ADAMTSL1: variants seen among roughly 807,000 people sequenced by gnomAD.
ADAMTSL1 encodes the protein ADAMTS-like protein 1.
A neutral mutation model predicts 201.8 loss-of-function variants in ADAMTSL1; 126 were observed. The observed-to-expected ratio is 0.62, with a 90% CI of 0.54 to 0.72. ADAMTSL1 has a LOEUF of 0.72. ADAMTSL1 is among the 30% of genes least tolerant of loss of function. The pLI is 0.00. For synonymous variants in ADAMTSL1, 1,121 were observed against 903.4 expected (o/e 1.24, Z -4.32); for missense variants, 2,679 against 2,277.8 (o/e 1.18, Z -3.59).
intron 2 of ADAMTSL1, among the ~76,000 whole-genome samples, chr9:18,338,439 T>C (rs999263785): frequency 2.0e-5 from 3 of 151,140 alleles, no homozygotes; most frequent in Non-Finnish European, 4.4e-5. Flanking sequence ...GATTATCCCC[T>C]TTTCTGTTTT....
intron 1 of ADAMTSL1, among the ~76,000 whole-genome samples, chr9:17,923,183 C>A (rs919416061): frequency 2.0e-5 from 3 of 151,542 alleles, no homozygotes; most frequent in African/African-American, 7.3e-5. Context: ...TGAAGAAAGT[C>A]GTTGGTAGCT....
At chr9:18,560,395 C>T (rs1194957246) in intron 3 of ADAMTSL1, among the ~76,000 whole-genome samples, 3 of 152,164 alleles carry the variant, frequency 2.0e-5, no homozygotes, top group Non-Finnish European at 4.4e-5. Context: ...TGATGTGCTA[C>T]TGGATTCAGT....
At chr9:18,860,974 G>C (rs1286000675) in intron 23 of ADAMTSL1, among the ~76,000 whole-genome samples, 2 of 152,126 alleles carry the variant, frequency 1.3e-5, no homozygotes, top group Non-Finnish European at 1.5e-5. Context: ...GGAAACTTTA[G>C]TTCTCACTTC....
chr9:18,405,038 G>T (rs1283783536), intron 2 of ADAMTSL1, among the ~76,000 whole-genome samples: 2 of 151,906 alleles, frequency 1.3e-5, no homozygotes, highest in Non-Finnish European at 2.9e-5. Context: ...TATTTCCAGC[G>T]CTAGACCTCC....
chr9:18,249,031 A>G (rs1423099835), intron 2 of ADAMTSL1, among the ~76,000 whole-genome samples: 2 of 152,098 alleles, frequency 1.3e-5, no homozygotes. Context: ...GCGACGATAG[A>G]CTGATGAGAG....
chr9:18,621,208 C>G (rs1464380165), intron 4 of ADAMTSL1, among the ~76,000 whole-genome samples: 1 of 152,100 alleles, frequency 6.6e-6, no homozygotes, highest in African/African-American at 2.4e-5. Flanking sequence ...AGCCATACAA[C>G]CTGGCATAGT....
chr9:18,591,275 C>A (rs1823898229), intron 4 of ADAMTSL1, among the ~76,000 whole-genome samples: 3 of 151,914 alleles, frequency 2.0e-5, no homozygotes, highest in Admixed American at 6.6e-5. Context: ...TATATAATGA[C>A]CTTTGTCTCT....
chr9:17,942,092 G>A (rs1337967465), intron 1 of ADAMTSL1, among the ~76,000 whole-genome samples: 1 of 152,008 alleles, frequency 6.6e-6, no homozygotes, highest in East Asian at 1.9e-4. Context: ...ACCTATATAA[G>A]GTATATAATA....
chr9:18,887,686 C>T, intron 23 of ADAMTSL1, 145 bp from the exon 24 acceptor site: 1 of 688,830 alleles, frequency 1.5e-6, no homozygotes, highest in Non-Finnish European at 2.4e-6. Flanking sequence ...CCTGTTTGCT[C>T]AGGAATGGCA....
intron 2 of ADAMTSL1, among the ~76,000 whole-genome samples, chr9:18,388,406 G>A (rs559014400): frequency 7.9e-5 from 12 of 151,684 alleles, no homozygotes; most frequent in South Asian, 4.2e-4. Flanking sequence ...CCTGAGTAGC[G>A]GAAACTACAG....
At chr9:17,980,621 T>TG (rs1470584037) in intron 1 of ADAMTSL1, among the ~76,000 whole-genome samples, 2 of 151,958 alleles carry the variant, frequency 1.3e-5, no homozygotes, top group African/African-American at 2.4e-5. Context: ...GTGGGGTTTT[T>TG]GGGGGGCAAT....
At chr9:18,832,165 C>G (rs781148267) in intron 23 of ADAMTSL1, among the ~76,000 whole-genome samples, 5 of 152,200 alleles carry the variant, frequency 3.3e-5, no homozygotes, top group Non-Finnish European at 5.9e-5. Flanking sequence ...AGATTTGGCT[C>G]AGACCCTCAC....
chr9:18,003,399 C>T (rs1017393434), intron 1 of ADAMTSL1, among the ~76,000 whole-genome samples: 3 of 152,054 alleles, frequency 2.0e-5, no homozygotes, highest in African/African-American at 7.2e-5. Context: ...CCAAGTGCTC[C>T]ATTTGTTTCT....
intron 8 of ADAMTSL1, among the ~76,000 whole-genome samples, chr9:18,661,466 C>T (rs934660941): frequency 6.6e-6 from 1 of 152,036 alleles, no homozygotes; most frequent in East Asian, 1.9e-4. Flanking sequence ...CTGTGCTGGC[C>T]CCCCATGTGC....
intron 1 of ADAMTSL1, among the ~76,000 whole-genome samples, chr9:17,915,764 T>C (rs1263027309): frequency 6.6e-6 from 1 of 152,224 alleles, no homozygotes; most frequent in East Asian, 1.9e-4. Context: ...TAGCTTGTTC[T>C]GGGTTTTAAT....
intron 2 of ADAMTSL1, among the ~76,000 whole-genome samples, chr9:18,513,639 G>A (rs529491390): frequency 4.0e-4 from 61 of 152,272 alleles, no homozygotes; most frequent in African/African-American, 1.4e-3. Context: ...TTATATTTAA[G>A]TCTATAGTCC....
chr9:18,887,119 C>T (rs1411504084), intron 23 of ADAMTSL1, among the ~76,000 whole-genome samples: 1 of 152,216 alleles, frequency 6.6e-6, no homozygotes, highest in Non-Finnish European at 1.5e-5. Context: ...GCAAATTCAG[C>T]AAGTACCCTG....
chr9:18,661,589 C>T (rs1321616588), intron 8 of ADAMTSL1, among the ~76,000 whole-genome samples: 1 of 152,046 alleles, frequency 6.6e-6, no homozygotes, highest in Non-Finnish European at 1.5e-5. Context: ...GTTGGTAAAT[C>T]CTGATGATCT....
chr9:18,656,930 C>G (rs1177151964), intron 7 of ADAMTSL1, among the ~76,000 whole-genome samples: 4 of 151,518 alleles, frequency 2.6e-5, no homozygotes, highest in Non-Finnish European at 4.4e-5. Flanking sequence ...CACATACCCC[C>G]TTTAAAAAAA....
Sources: gnomAD v4.1 joint callset for allele counts (sites outside exome capture counted in the v4.1 genomes callset) on GRCh38, gnomAD v4.1.1 for gene constraint, MANE v1.5 for transcripts, NCBI Gene and HGNC (gene_info 2026-07-23, HGNC 2026-07-21) for gene names.